The following SPTA1 variants were observed in gnomAD, a reference collection of about 807,000 sequenced individuals.
SPTA1 encodes spectrin alpha, erythrocytic 1, also known as spectrin alpha chain, erythrocytic 1.
In SPTA1, 177 loss-of-function variants were observed where a neutral mutation model predicts 324.7. The ratio of observed to expected loss-of-function variants is 0.55; its 90% CI spans 0.48 to 0.62. The LOEUF is 0.62. Ranked by LOEUF, SPTA1 falls within the 20% of genes least tolerant of loss-of-function variation. The pLI is 0.00. For synonymous variants in SPTA1, 1,195 were observed against 1,041.3 expected (o/e 1.15, Z -2.84); for missense variants, 3,162 against 2,883.6 (o/e 1.10, Z -2.21).
At position 158,669,554 on chromosome 1, in the gene SPTA1, G is replaced by T. The variant is rs369087649; in HGVS notation, c.1687C>A (p.Arg563=). 4 of 1,614,036 alleles carry T rather than the reference G, an allele frequency of 2.5e-6. No individual in the cohort carries two copies. In the South Asian group the frequency reaches 4.4e-5, roughly 18 times the overall value. The change falls in exon 14 of 52, where the codon CGG becomes AGG. Residue 563 remains arginine, a synonymous_variant. Transcript: ENST00000643759. ...IKAIRDGLLA[R]RDALREKAAT... ...GCCTTTTCACGTAGGGCATCCCGCC[G>T]GGCTAACAGCTGCAAAAACCATGAG...
Position 158,661,242 on chromosome 1 carries a change from C to G in SPTA1, c.2587+45G>C, listed in dbSNP as rs750938995. ...ATAGTACAAACTTCTTCCCAGAGGT[C>G]TGGCCTGGTGATGTTTTGTCCAACT... On this transcript the variant is annotated intron_variant, in intron 18 of 51. Transcript: ENST00000643759. The G allele has an allele frequency of 3.1e-6, 5 of 1,613,582 alleles. No individual in the cohort carries two copies. In the South Asian group the frequency reaches 5.5e-5, roughly 18 times the overall value.
intron 3 of SPTA1, among the ~76,000 whole-genome samples, chr1:158,682,266 C>T (rs1206490064): frequency 6.6e-6 from 1 of 152,146 alleles, no homozygotes; most frequent in East Asian, 1.9e-4. Flanking sequence ...GTCATATCTT[C>T]AAGAATCTTA....
At chr1:158,685,045 A>G in intron 2 of SPTA1, 63 bp downstream of exon 2, 1 of 1,603,906 alleles carries the variant, frequency 6.2e-7, no homozygotes, top group South Asian at 1.1e-5. Flanking sequence ...CATAAAGAAA[A>G]ACCTATTTCC....
chr1:158,677,693 G>T lies in SPTA1; in HGVS notation c.954C>A (p.Asp318Glu), dbSNP rs139325333. ...GLERNLAVMS[D>E]KVKELCAKAE... is the part of the protein sequence containing the mutation. The stretch of plus-strand genomic sequence containing the variant: ...CATTTCTCTAACAGCGCATTACCTT[G>T]TCACTCATGACAGCAAGATTTCTCT... Residue 318 changes from aspartate to glutamate, a missense_variant, in exon 7 of 52, where the codon GAC becomes GAA. By Grantham distance (45) the Asp-to-Glu change is conservative. Coordinates refer to ENST00000643759, the MANE Select transcript of SPTA1 (RefSeq NM_003126.4). 15 of 1,613,142 alleles carry T rather than the reference G, an allele frequency of 9.3e-6. No homozygotes were observed. In the Admixed American group the frequency reaches 2.0e-4, roughly 22 times the overall value.
At chr1:158,656,180 C>A (rs990685790) in intron 20 of SPTA1, among the ~76,000 whole-genome samples, 7 of 151,948 alleles carry the variant, frequency 4.6e-5, no homozygotes, top group Non-Finnish European at 1.0e-4. Flanking sequence ...TTTATTCATA[C>A]TTACATATAG....
Position 158,672,150 on chromosome 1 carries a change from T to A in SPTA1, c.1397A>T (p.Asp466Val). ...CTGCTCATACTGACGATGACGCTCG[T>A]CCCACAGTTCCAGCAGGGCAGTCCA... is the stretch of plus-strand genomic sequence containing the variant. Reference protein sequence around the residue: ...NNWTALLELWDERHRQYEQCL... With the variant: ...NNWTALLELWVERHRQYEQCL... Residue 466 changes from aspartate (D) to valine (V), a missense_variant, in exon 11 of 52, where the codon GAC becomes GTC. Asp to Val is a radical substitution (Grantham distance 152, BLOSUM62 -3). Transcript: ENST00000643759. 6.2e-7 allele frequency: 1 copy of A among 1,614,058 alleles called. No individual in the cohort carries two copies. The highest frequency in any genetic ancestry group is 1.1e-5 in the South Asian group (1 of 91,086).
At chr1:158,651,319 C>T in intron 24 of SPTA1, 48 bp downstream of exon 24, 2 of 1,346,104 alleles carry the variant, frequency 1.5e-6, no homozygotes, top group Admixed American at 3.4e-5. Flanking sequence ...ATGAGGACTC[C>T]CAAAGCCCAA....
At position 158,642,848 on chromosome 1, in the gene SPTA1, C is replaced by G. The variant is rs780492991; in HGVS notation, c.4571G>C (p.Cys1524Ser). 1 of 1,613,970 alleles carries G rather than the reference C, an allele frequency of 6.2e-7. No individual in the cohort carries two copies. The highest frequency in any genetic ancestry group is 1.1e-5 in the South Asian group (1 of 91,078). ...AGTGGCGTCTTTGTAGGATTCATCA[C>G]AGGCTGTGGGCAGCATCTCACTGAT... ...EWISEMLPTA[C>S]DESYKDATNI... The change falls in exon 32 of 52, where the codon TGT becomes TCT. Residue 1524 changes from cysteine (C) to serine (S), a missense_variant. By Grantham distance (112) the Cys-to-Ser change is moderately radical (BLOSUM62 -1). Coordinates refer to ENST00000643759, the MANE Select transcript of SPTA1 (RefSeq NM_003126.4).
At position 158,649,889 on chromosome 1, in the gene SPTA1, A is replaced by C; in HGVS notation, c.3536T>G (p.Leu1179Arg). The change falls in exon 25 of 52, where the codon CTG (leucine) becomes CGG (arginine). Residue 1179 changes from leucine to arginine, a missense_variant. Transcript: ENST00000643759. ...CACTTCAACAGCATGGGCACTGCCC[A>C]GCAGCTGCCGCTGTTCATCTGCAAG... ...QRLADEQRQL[L>R]GSAHAVEVFH... is the part of the protein sequence containing the mutation. 6.8e-6 allele frequency: 11 copies of C among 1,613,882 alleles called. No individual in the cohort carries two copies. Among genetic ancestry groups the C allele is most frequent in the Non-Finnish European group, 9.3e-6 (11 of 1,179,902 alleles).
Position 158,657,473 on chromosome 1 carries a change from T to G in SPTA1, c.2805+4A>C. 66 of 909,608 alleles carry G rather than the reference T, an allele frequency of 7.3e-5. No homozygotes were observed. The highest frequency in any genetic ancestry group is 1.1e-4 in the Non-Finnish European group (61 of 574,038). The allele number at this position is 909,608 out of a possible 1,614,324, so 56.3% of individuals were successfully genotyped here. A position where few individuals can be genotyped will look rare whatever the true frequency, so the allele number is the denominator to read the frequency against. ...TCACAATGTTAAACCCACCCCCACC[T>G]TACCCCAGCTGCTTCTTCATCAGCA... On this transcript the variant is annotated splice_donor_region_variant and intron_variant, in intron 19 of 51. Transcript: ENST00000643759.
At chr1:158,666,594 T>A in intron 15 of SPTA1, 97 bp from the exon 16 acceptor site, 1 of 1,082,938 alleles carries the variant, frequency 9.2e-7, no homozygotes, top group Non-Finnish European at 1.4e-6. Context: ...AATATAGTAT[T>A]TTAATATTGC....
In SPTA1 at chr1:158,664,119, G is replaced by A. The variant is rs532315146; in HGVS notation, c.2221-1174C>T. 2.0e-5 allele frequency among the ~76,000 whole-genome samples: 3 copies of A among 152,264 alleles called. No homozygotes were observed. In the South Asian group the frequency reaches 6.2e-4, roughly 32 times the overall value. On this transcript the variant is annotated intron_variant, in intron 16 of 51. Coordinates refer to ENST00000643759, the MANE Select transcript of SPTA1 (RefSeq NM_003126.4). ...TTCAACCATTGTGGAAGACAGTTTG[G>A]TGATTCCTCAAGGATCTAGAACCAG...
At chr1:158,656,778 A>G (rs1652858071) in intron 19 of SPTA1, 122 bp from the exon 20 acceptor site, 2 of 858,592 alleles carry the variant, frequency 2.3e-6, no homozygotes, top group South Asian at 1.5e-5. Context: ...TCCATCTATC[A>G]TAAAGTTATT....
intron 35 of SPTA1, 134 bp downstream of exon 35, chr1:158,639,448 A>G: frequency 1.1e-6 from 1 of 871,094 alleles, no homozygotes; most frequent in East Asian, 2.5e-5. Context: ...TACCTAATTA[A>G]AATGACTGCT....
At chr1:158,644,154 A>G in intron 30 of SPTA1, 99 bp downstream of exon 30, 6 of 1,508,142 alleles carry the variant, frequency 4.0e-6, no homozygotes, top group Non-Finnish European at 9.0e-7. Context: ...AAAAAAGTAA[A>G]TCAAAATGTT....
At position 158,618,076 on chromosome 1, in the gene SPTA1, A is replaced by G. The variant is rs1214363428; in HGVS notation, c.6531-20T>C. 6.2e-7 allele frequency: 1 copy of G among 1,608,352 alleles called. No homozygotes were observed. The highest frequency in any genetic ancestry group is 1.7e-5 in the Admixed American group (1 of 60,008). The stretch of plus-strand genomic sequence containing the variant: ...TAAGCCCTGGACATGGAGGTCCGGA[A>G]CAGGAATCACATGAGAGAAAAGGGA... On this transcript the variant is annotated intron_variant, in intron 45 of 51. Transcript: ENST00000643759.
chr1:158,650,490 C>A (rs1652342419), intron 24 of SPTA1, among the ~76,000 whole-genome samples: 1 of 152,250 alleles, frequency 6.6e-6, no homozygotes, highest in South Asian at 2.1e-4. Context: ...TTCATTAGAT[C>A]TTTTATGGAA....
intron 42 of SPTA1, 79 bp downstream of exon 42, chr1:158,626,067 A>G (rs914794854): frequency 1.4e-5 from 19 of 1,357,454 alleles, no homozygotes; most frequent in Non-Finnish European, 2.0e-5. Context: ...AAATCCCAAA[A>G]TTCAGAAATA....
intron 27 of SPTA1, among the ~76,000 whole-genome samples, chr1:158,646,245 ATTAACT>A (rs144760222): frequency 0.022 from 3,306 of 152,326 alleles, 46 homozygotes; most frequent in Non-Finnish European, 0.033. Flanking sequence ...TTAACTATGC[ATTAACT>A]TTAAAGCATA....
Sources: gnomAD v4.1 joint callset for allele counts (sites outside exome capture counted in the v4.1 genomes callset) on GRCh38, gnomAD v4.1.1 for gene constraint, MANE v1.5 for transcripts, NCBI Gene and HGNC (gene_info 2026-07-23, HGNC 2026-07-21) for gene names.